LYRM4: variants seen among roughly 807,000 people sequenced by gnomAD.
The protein encoded by LYRM4 is LYR motif-containing protein 4.
In LYRM4, 9 loss-of-function variants were observed where a neutral mutation model predicts 11.7. The observed-to-expected ratio is 0.77, with a 90% confidence interval of 0.46 to 1.34. The LOEUF is 1.34. Among genes scored for constraint, LYRM4 ranks in the 40% most tolerant of loss-of-function variants. The pLI, the probability that LYRM4 is intolerant of heterozygous loss-of-function variation, is 0.00. For synonymous variants in LYRM4, 42 were observed against 40.4 expected, an observed-to-expected ratio of 1.04 and a Z score of -0.15; for missense variants, 133 against 112.5, an observed-to-expected ratio of 1.18 and a Z score of -0.82.
chr6:5,196,774 T>C (rs1200824650), intron 2 of LYRM4, among the ~76,000 whole-genome samples: 1 of 152,206 alleles, frequency 6.6e-6, no homozygotes, highest in Non-Finnish European at 1.5e-5. Flanking sequence ...TCAATTCTTT[T>C]GTCTCTTGCT....
intron 2 of LYRM4, among the ~76,000 whole-genome samples, chr6:5,181,010 T>G (rs1433376249): frequency 6.6e-6 from 1 of 152,232 alleles, no homozygotes; most frequent in African/African-American, 2.4e-5. Flanking sequence ...AATCCTACAA[T>G]GCAGACTTTA....
chr6:5,103,181 C>T (rs1193652825), downstream of LYRM4: 1 of 152,234 alleles, frequency 6.6e-6, no homozygotes, highest in African/African-American at 2.4e-5. Flanking sequence ...TAAGCCATTG[C>T]TTTCTCCATC....
chr6:5,152,828 G>A (rs993416984), intron 2 of LYRM4, among the ~76,000 whole-genome samples: 23 of 152,332 alleles, frequency 1.5e-4, no homozygotes, highest in Non-Finnish European at 2.1e-4. Flanking sequence ...ATGGAAACAC[G>A]CAGCAGACGG....
At chr6:5,231,633 T>C (rs1462991885) in intron 1 of LYRM4, among the ~76,000 whole-genome samples, 1 of 152,218 alleles carries the variant, frequency 6.6e-6, no homozygotes, top group Non-Finnish European at 1.5e-5. Context: ...AGAAGTGGCA[T>C]TTCTAAAGTC....
At position 5,260,705 on chromosome 6, in the gene LYRM4, A is replaced by G; in HGVS notation, c.29T>C (p.Leu10Ser). Residue 10 changes from leucine (L) to serine (S), a missense_variant, in exon 1 of 3, where the codon TTA becomes TCA. Physicochemically the swap from Leu to Ser is moderately radical, Grantham distance 145. Transcript: ENST00000330636. MAASSRAQV[L>S]SLYRAMLRES... ...TCTCAGCATCGCCCGGTACAGAGAT[A>G]ACACTTGTGCGCGACTGGAGGCTGC... is the stretch of plus-strand genomic sequence containing the variant. 6.4e-7 allele frequency: 1 copy of G among 1,553,802 alleles called. No individual in the cohort carries two copies. Among genetic ancestry groups the G allele is most frequent in the South Asian group, 1.2e-5 (1 of 84,702 alleles).
the LYRM4 span, among the ~76,000 whole-genome samples, chr6:5,091,425 C>G: frequency 1.4e-4 from 21 of 152,328 alleles, no homozygotes; most frequent in African/African-American, 4.8e-4. Context: ...GAGGTGACAT[C>G]AGAACGCAGC....
chr6:5,218,466 TA>T lies in LYRM4; in HGVS notation c.87-1729del, dbSNP rs1350141452. The T allele has an allele frequency of 2.7e-5, 21 of 782,374 alleles. No individual in the cohort carries two copies. The African/African-American group carries it at 3.9e-4, about 15-fold the overall frequency. The allele number at this position is 782,374 out of a possible 1,614,324, so 48.5% of individuals were successfully genotyped here. A position where few individuals can be genotyped will look rare whatever the true frequency, so the allele number is the denominator to read the frequency against. On this transcript the variant is annotated intron_variant, in intron 1 of 2. Coordinates refer to ENST00000330636, the MANE Select transcript of LYRM4 (RefSeq NM_020408.6). Reference sequence around the variant, plus strand: ...TTTAAAGTAAAAAGGCATTTTACATTAAAAAATTCAAATGTCAGGTCTATTT... The same window carrying T: ...TTTAAAGTAAAAAGGCATTTTACATTAAAAATTCAAATGTCAGGTCTATTT...
At chr6:5,180,693 C>A (rs77919008) in intron 2 of LYRM4, among the ~76,000 whole-genome samples, 1 of 152,186 alleles carries the variant, frequency 6.6e-6, no homozygotes, top group African/African-American at 2.4e-5. Flanking sequence ...GCTCTGCCAG[C>A]GTGGACCTGG....
At chr6:5,193,476 G>A (rs924998194) in intron 2 of LYRM4, among the ~76,000 whole-genome samples, 1 of 152,178 alleles carries the variant, frequency 6.6e-6, no homozygotes, top group African/African-American at 2.4e-5. Flanking sequence ...AGGATGGCCA[G>A]AAATTTCATA....
chr6:5,183,998 C>G (rs115646595), intron 2 of LYRM4, among the ~76,000 whole-genome samples: 1,979 of 152,278 alleles, frequency 0.013, 16 homozygotes, highest in Non-Finnish European at 0.02. Flanking sequence ...ACACATCTAA[C>G]AAAACATCAT....
chr6:5,192,570 T>C (rs1280812068), intron 2 of LYRM4, among the ~76,000 whole-genome samples: 1 of 152,156 alleles, frequency 6.6e-6, no homozygotes, highest in African/African-American at 2.4e-5. Context: ...ACTGTGCTCA[T>C]TAGCACAGGA....
chr6:5,108,619 G>A lies in LYRM4; in HGVS notation c.*804C>T. The A allele has an allele frequency of 2.8e-6, 1 of 363,420 alleles. No homozygotes were observed. The highest frequency in any genetic ancestry group is 3.8e-6 in the Non-Finnish European group (1 of 261,026). 22.5% of individuals were successfully genotyped at this position (363,420 alleles called of 1,614,324 possible). On this transcript the variant is annotated 3_prime_UTR_variant, in exon 3 of 3. Transcript: ENST00000330636. The stretch of plus-strand genomic sequence containing the variant: ...TTTAAAAAGCTCTCCAACTCTCCAG[G>A]TGCTTCTGTCCACCAGCCAGATTTG...
At chr6:5,178,168 CTT>C (rs1759830611) in intron 2 of LYRM4, among the ~76,000 whole-genome samples, 1 of 152,138 alleles carries the variant, frequency 6.6e-6, no homozygotes. Flanking sequence ...ATCACACATA[CTT>C]TGTTTTGTAT....
intron 2 of LYRM4, among the ~76,000 whole-genome samples, chr6:5,114,632 C>G (rs1343742563): frequency 1.3e-5 from 2 of 152,080 alleles, no homozygotes; most frequent in African/African-American, 4.8e-5. Flanking sequence ...TTCTTTCTCT[C>G]TTTAAATCAG....
chr6:5,100,336 A>C (rs1269427408), downstream of LYRM4, among the ~76,000 whole-genome samples: 1 of 152,150 alleles, frequency 6.6e-6, no homozygotes, highest in Non-Finnish European at 1.5e-5. Flanking sequence ...ACCAGCAGGA[A>C]CGGTCCCTGC....
the LYRM4 span, among the ~76,000 whole-genome samples, chr6:5,083,476 G>A: frequency 6.6e-6 from 1 of 152,194 alleles, no homozygotes; most frequent in African/African-American, 2.4e-5. Flanking sequence ...GGGACCGGCA[G>A]GGCCCCCTTT....
chr6:5,040,192 G>A, the LYRM4 span, among the ~76,000 whole-genome samples: 2 of 151,648 alleles, frequency 1.3e-5, no homozygotes, highest in East Asian at 3.9e-4. Flanking sequence ...GGTGGCGCAC[G>A]CCTGTAGTCC....
chr6:5,169,222 C>T (rs1237201429), intron 2 of LYRM4, among the ~76,000 whole-genome samples: 1 of 152,120 alleles, frequency 6.6e-6, no homozygotes, highest in Admixed American at 6.5e-5. Context: ...TGCCACCGTG[C>T]CTGGCACTGA....
chr6:5,074,633 T>TG, the LYRM4 span, among the ~76,000 whole-genome samples: 1 of 151,808 alleles, frequency 6.6e-6, no homozygotes, highest in Non-Finnish European at 1.5e-5. Flanking sequence ...TTTTTTTTTT[T>TG]TTAATTATAC....
Sources: gnomAD v4.1 joint callset for allele counts (sites outside exome capture counted in the v4.1 genomes callset) on GRCh38, gnomAD v4.1.1 for gene constraint, MANE v1.5 for transcripts, NCBI Gene and HGNC (gene_info 2026-07-23, HGNC 2026-07-21) for gene names.